Variants in FRMD4B observed in about 807,000 individuals in gnomAD.
The protein encoded by FRMD4B is FERM domain containing 4B.
A neutral mutation model predicts 141.5 loss-of-function variants in FRMD4B; 74 were observed. The observed-to-expected ratio is 0.52, with a 90% CI of 0.43 to 0.63. FRMD4B has a LOEUF of 0.63. FRMD4B is among the 30% of genes least tolerant of loss of function. The probability of loss-of-function intolerance (pLI) is 0.00; values close to 1 mark genes in which losing one functional copy is unlikely to be tolerated. For missense variants in FRMD4B, 1,366 were observed against 1,253.4 expected (o/e 1.09, Z -1.36); for synonymous variants, 506 against 467.9 (o/e 1.08, Z -1.05).
intron 1 of FRMD4B, among the ~76,000 whole-genome samples, chr3:69,338,870 T>C (rs1193941266): frequency 6.6e-6 from 1 of 152,010 alleles, no homozygotes; most frequent in Non-Finnish European, 1.5e-5. Context: ...AAAACCCCAA[T>C]AAAATCAAAT....
intron 1 of FRMD4B, among the ~76,000 whole-genome samples, chr3:69,458,603 C>A (rs1705655003): frequency 6.6e-6 from 1 of 152,076 alleles, no homozygotes; most frequent in African/African-American, 2.4e-5. Context: ...ATATAGCCAG[C>A]CAAATTCTCC....
At chr3:69,237,214 G>C (rs1041955219) in intron 7 of FRMD4B, among the ~76,000 whole-genome samples, 1 of 152,214 alleles carries the variant, frequency 6.6e-6, no homozygotes, top group African/African-American at 2.4e-5. Flanking sequence ...AGGGAGGAAC[G>C]GAAGAGGAGG....
chr3:69,267,674 GAGAGA>G, intron 5 of FRMD4B, among the ~76,000 whole-genome samples: 1 of 121,488 alleles, frequency 8.2e-6, no homozygotes, highest in Admixed American at 9.5e-5. Flanking sequence ...GAGAGAGAGA[GAGAGA>G]GAGAGAGAGA....
At chr3:69,424,213 A>C (rs1435551570) in intron 2 of FRMD4B, among the ~76,000 whole-genome samples, 1 of 152,168 alleles carries the variant, frequency 6.6e-6, no homozygotes, top group Non-Finnish European at 1.5e-5. Flanking sequence ...ATTTCCCCCT[A>C]GGTGTGATGT....
chr3:69,507,389 G>T (rs1238607083), intron 1 of FRMD4B, among the ~76,000 whole-genome samples: 2 of 151,310 alleles, frequency 1.3e-5, no homozygotes, highest in Non-Finnish European at 3.0e-5. Flanking sequence ...GTGTAAGTTT[G>T]TGTGTGTGTG....
Position 69,313,461 on chromosome 3 carries a change from C to A in FRMD4B, c.219G>T (p.Leu73=). ...TGTGGGCCACACCTACCTGAACCAG[C>A]AGCTCCAGTCTCCTATCATCCAGGA... ...VHLLDDRRLE[L]LVQPKLLARE... Residue 73 remains leucine (L), a synonymous_variant, in exon 2 of 23, where the codon CTG becomes CTT. Transcript: ENST00000398540. 1 of 1,570,062 alleles carries A rather than the reference C, an allele frequency of 6.4e-7. No homozygotes were observed. Among genetic ancestry groups the A allele is most frequent in the Non-Finnish European group, 8.6e-7 (1 of 1,156,594 alleles).
intron 1 of FRMD4B, among the ~76,000 whole-genome samples, chr3:69,359,501 T>C (rs1234698053): frequency 6.6e-6 from 1 of 152,164 alleles, no homozygotes. Context: ...TTATTTAAGG[T>C]CTCCTTCAGG....
At chr3:69,403,877 GA>G (rs1300660471) in intron 2 of FRMD4B, among the ~76,000 whole-genome samples, 3 of 152,006 alleles carry the variant, frequency 2.0e-5, no homozygotes, top group African/African-American at 4.8e-5. Context: ...ACCAGAATCA[GA>G]GACATGTCTA....
chr3:69,504,811 C>G (rs1706568942), intron 1 of FRMD4B, among the ~76,000 whole-genome samples: 1 of 152,126 alleles, frequency 6.6e-6, no homozygotes, highest in African/African-American at 2.4e-5. Context: ...CATGAAAATG[C>G]TAGGTGAAAG....
chr3:69,528,881 G>A (rs925411624), intron 1 of FRMD4B, among the ~76,000 whole-genome samples: 4 of 151,976 alleles, frequency 2.6e-5, no homozygotes, highest in Non-Finnish European at 5.9e-5. Context: ...CTGGGAAAAG[G>A]TGTACAATAT....
At chr3:69,220,647 T>A (rs2107743009) in intron 9 of FRMD4B, among the ~76,000 whole-genome samples, 1 of 152,120 alleles carries the variant, frequency 6.6e-6, no homozygotes, top group South Asian at 2.1e-4. Flanking sequence ...AGGTCAAGAG[T>A]TTGAGATCAG....
intron 1 of FRMD4B, among the ~76,000 whole-genome samples, chr3:69,380,304 C>G (rs1028093470): frequency 6.6e-6 from 1 of 152,156 alleles, no homozygotes; most frequent in Non-Finnish European, 1.5e-5. Context: ...TGAGCATCCT[C>G]AGGAAACATG....
intron 1 of FRMD4B, among the ~76,000 whole-genome samples, chr3:69,384,636 T>C (rs996899510): frequency 2.0e-5 from 3 of 152,184 alleles, no homozygotes; most frequent in Non-Finnish European, 4.4e-5. Flanking sequence ...TCAGATTCCA[T>C]TTCAAAATGC....
At chr3:69,236,106 G>A (rs192678061) in intron 7 of FRMD4B, among the ~76,000 whole-genome samples, 1 of 152,244 alleles carries the variant, frequency 6.6e-6, no homozygotes, top group East Asian at 1.9e-4. Flanking sequence ...AAGACTTAAT[G>A]TGTTAGCAGT....
intron 7 of FRMD4B, among the ~76,000 whole-genome samples, chr3:69,226,489 T>A (rs1030166715): frequency 4.6e-5 from 7 of 152,060 alleles, no homozygotes; most frequent in African/African-American, 1.4e-4. Context: ...TGAGTTTTTT[T>A]AATGAAGGGC....
intron 5 of FRMD4B, among the ~76,000 whole-genome samples, chr3:69,286,192 T>C (rs1700684245): frequency 6.6e-6 from 1 of 152,138 alleles, no homozygotes; most frequent in Non-Finnish European, 1.5e-5. Context: ...GACAGAAATA[T>C]TAACCTACAC....
At chr3:69,540,565 G>A (rs182403365) in intron 1 of FRMD4B, among the ~76,000 whole-genome samples, 220 of 133,100 alleles carry the variant, frequency 1.7e-3, no homozygotes, top group African/African-American at 6.0e-3. Flanking sequence ...AGTGAGCCGA[G>A]ATCGGCCACT....
intron 1 of FRMD4B, among the ~76,000 whole-genome samples, chr3:69,337,414 A>G (rs1702592856): frequency 3.3e-5 from 5 of 152,232 alleles, no homozygotes; most frequent in Admixed American, 2.0e-4. Flanking sequence ...TTCATGTCTA[A>G]AACACCAAAA....
intron 1 of FRMD4B, among the ~76,000 whole-genome samples, chr3:69,351,881 C>A (rs1415617899): frequency 6.6e-6 from 1 of 152,196 alleles, no homozygotes; most frequent in Non-Finnish European, 1.5e-5. Flanking sequence ...TGTTCCATGG[C>A]ATAAATATAT....
Sources: allele counts gnomAD v4.1 joint callset (sites outside exome capture counted in the v4.1 genomes callset), GRCh38; gene constraint gnomAD v4.1.1; transcripts MANE v1.5; gene names NCBI Gene and HGNC (gene_info 2026-07-23, HGNC 2026-07-21).